Variants in DOCK3 observed in about 807,000 individuals in gnomAD.
DOCK3 encodes the protein dedicator of cytokinesis protein 3.
Under a neutral mutation model 265.6 loss-of-function variants are expected in DOCK3, and 60 were observed. The ratio of observed to expected loss-of-function variants is 0.23; its 90% CI spans 0.18 to 0.28. DOCK3 has a LOEUF of 0.28. Among genes scored for constraint, DOCK3 ranks in the 10% least tolerant of loss-of-function variants. DOCK3 has a pLI of 1.00. For synonymous variants in DOCK3, 881 were observed against 938.0 expected (o/e 0.94, Z 1.11); for missense variants, 1,981 against 2,594.3 (o/e 0.76, Z 5.14).
intron 5 of DOCK3, among the ~76,000 whole-genome samples, chr3:51,008,732 C>T (rs1336722680): frequency 6.6e-6 from 1 of 152,148 alleles, no homozygotes; most frequent in Non-Finnish European, 1.5e-5. Flanking sequence ...TTTGCCCATT[C>T]AGTATGATAT....
Position 50,962,784 on chromosome 3 carries a change from G to T in DOCK3, c.315+28707G>T, listed in dbSNP as rs116548030. Among the ~76,000 whole-genome samples the T allele has an allele frequency of 3.9e-3, 586 of 152,134 alleles. 4 individuals are homozygous for T. The highest frequency in any genetic ancestry group is 0.013 in the African/African-American group (557 of 41,488). On this transcript the variant is annotated intron_variant, in intron 5 of 52. Coordinates refer to ENST00000266037, the MANE Select transcript of DOCK3 (RefSeq NM_004947.5). The stretch of plus-strand genomic sequence containing the variant: ...TCTAGGTTCTACCTAATTCTTTTCA[G>T]TTATGGGTCTCTGCAACCATATGCA...
chr3:51,000,258 C>T (rs576693926), intron 5 of DOCK3, among the ~76,000 whole-genome samples: 1 of 152,184 alleles, frequency 6.6e-6, no homozygotes, highest in East Asian at 1.9e-4. Flanking sequence ...ACAATGCCAG[C>T]CACTTTTTCA....
At chr3:50,784,521 G>T (rs1031936948) in intron 2 of DOCK3, among the ~76,000 whole-genome samples, 1 of 152,062 alleles carries the variant, frequency 6.6e-6, no homozygotes, top group South Asian at 2.1e-4. Flanking sequence ...ATGAATTGTA[G>T]ATTTGTTTTT....
intron 2 of DOCK3, among the ~76,000 whole-genome samples, chr3:50,795,317 T>C (rs1011041885): frequency 3.9e-5 from 6 of 152,194 alleles, no homozygotes; most frequent in South Asian, 2.1e-4. Flanking sequence ...TATCCTGATA[T>C]ATGTTTTTCA....
At chr3:50,842,231 G>A (rs2045876529) in intron 3 of DOCK3, among the ~76,000 whole-genome samples, 2 of 152,102 alleles carry the variant, frequency 1.3e-5, no homozygotes, top group Non-Finnish European at 2.9e-5. Context: ...TTATAATACA[G>A]TTAGAAATAA....
intron 6 of DOCK3, among the ~76,000 whole-genome samples, chr3:51,074,803 C>T (rs899703191): frequency 6.6e-6 from 1 of 151,978 alleles, no homozygotes; most frequent in Non-Finnish European, 1.5e-5. Context: ...AACAAACCTG[C>T]ACATCCTGCG....
At chr3:50,888,161 G>C (rs189786920) in intron 3 of DOCK3, among the ~76,000 whole-genome samples, 10 of 152,076 alleles carry the variant, frequency 6.6e-5, no homozygotes, top group African/African-American at 1.2e-4. Context: ...CTTCAGCAAA[G>C]TCTCAGGATA....
intron 3 of DOCK3, among the ~76,000 whole-genome samples, chr3:50,880,980 A>G (rs2047991375): frequency 6.6e-6 from 1 of 152,222 alleles, no homozygotes; most frequent in South Asian, 2.1e-4. Flanking sequence ...AACATATGCA[A>G]ATCAATAAAT....
intron 5 of DOCK3, among the ~76,000 whole-genome samples, chr3:50,983,700 C>T (rs1269434974): frequency 6.6e-6 from 1 of 152,218 alleles, no homozygotes; most frequent in African/African-American, 2.4e-5. Context: ...TCATCCTCCA[C>T]TTGCCTGCAT....
At chr3:50,710,430 C>T (rs926571501) in intron 1 of DOCK3, among the ~76,000 whole-genome samples, 1 of 152,128 alleles carries the variant, frequency 6.6e-6, no homozygotes, top group Non-Finnish European at 1.5e-5. Flanking sequence ...ACATCACTAT[C>T]AGGGAAATGC....
intron 4 of DOCK3, among the ~76,000 whole-genome samples, chr3:50,895,278 A>T (rs910216762): frequency 1.4e-5 from 2 of 147,388 alleles, no homozygotes; most frequent in African/African-American, 5.0e-5. Context: ...TCCAGGGTAC[A>T]TGTCCATCAC....
intron 5 of DOCK3, among the ~76,000 whole-genome samples, chr3:50,990,871 G>A (rs1365967234): frequency 6.6e-6 from 1 of 152,100 alleles, no homozygotes; most frequent in African/African-American, 2.4e-5. Context: ...TTGAGGATGG[G>A]TCTGCCTCTC....
intron 21 of DOCK3, among the ~76,000 whole-genome samples, chr3:51,244,019 T>C (rs1348765599): frequency 6.6e-6 from 1 of 152,238 alleles, no homozygotes; most frequent in Non-Finnish European, 1.5e-5. Flanking sequence ...CCCTTGACCA[T>C]ATATGTGAGG....
At chr3:50,812,868 A>G (rs2043848656) in intron 2 of DOCK3, among the ~76,000 whole-genome samples, 1 of 152,258 alleles carries the variant, frequency 6.6e-6, no homozygotes, top group Non-Finnish European at 1.5e-5. Context: ...CTCAGGTATT[A>G]CTAACCAGGG....
At chr3:50,689,787 G>A (rs2035082690) in intron 1 of DOCK3, among the ~76,000 whole-genome samples, 1 of 152,144 alleles carries the variant, frequency 6.6e-6, no homozygotes, top group African/African-American at 2.4e-5. Context: ...AATACATATC[G>A]TTGAAGCTTT....
chr3:51,276,028 G>A (rs1221059288), intron 25 of DOCK3, among the ~76,000 whole-genome samples: 1 of 152,174 alleles, frequency 6.6e-6, no homozygotes, highest in Non-Finnish European at 1.5e-5. Flanking sequence ...GGTTGCTAGA[G>A]AATAGAATTT....
In DOCK3 at chr3:51,374,151, G is replaced by A. The variant is rs551958555; in HGVS notation, c.5294-318G>A. On this transcript the variant is annotated intron_variant, in intron 49 of 52. Coordinates refer to ENST00000266037, the MANE Select transcript of DOCK3 (RefSeq NM_004947.5). The surrounding 1 kb of genome is among the most constrained non-coding windows in gnomAD (Gnocchi z 4.8). ...CCACACCCATTTCCTGATAGTGCTT[G>A]ATGCAGGGAGCCCCTAGCCACCCTG... 9.5e-4 allele frequency among the ~76,000 whole-genome samples: 145 copies of A among 152,280 alleles called. No homozygotes were observed. The highest frequency in any genetic ancestry group is 2.9e-3 in the African/African-American group (121 of 41,534).
At chr3:50,788,258 C>T (rs2042286204) in intron 2 of DOCK3, 3 of 651,734 alleles carry the variant, frequency 4.6e-6, no homozygotes, top group Admixed American at 3.4e-5. Context: ...TCAACCAGCT[C>T]CTGACGAGAA....
At chr3:50,776,571 A>G (rs2041613270) in intron 1 of DOCK3, among the ~76,000 whole-genome samples, 1 of 151,630 alleles carries the variant, frequency 6.6e-6, no homozygotes, top group African/African-American at 2.4e-5. Flanking sequence ...GAAGCTTTTT[A>G]GTTTAATTAG....
Sources: gnomAD v4.1 joint callset for allele counts (sites outside exome capture counted in the v4.1 genomes callset) on GRCh38, gnomAD v4.1.1 for gene constraint, Gnocchi (gnomAD v3.1) non-coding constraint, MANE v1.5 for transcripts, NCBI Gene and HGNC (gene_info 2026-07-23, HGNC 2026-07-21) for gene names.